ATP12A: variants seen among roughly 807,000 people sequenced by gnomAD.
ATP12A encodes ATPase H+/K+ transporting non-gastric alpha2 subunit.
In ATP12A, 81 loss-of-function variants were observed where a neutral mutation model predicts 111.2. The observed-to-expected ratio is 0.73, with a 90% confidence interval of 0.61 to 0.88. ATP12A has a LOEUF of 0.88. ATP12A is among the 40% of genes least tolerant of loss of function. ATP12A has a pLI of 0.00. For missense variants in ATP12A, 1,196 were observed against 1,313.1 expected (o/e 0.91, Z 1.38); for synonymous variants, 498 against 499.8 (o/e 1.00, Z 0.05).
At chr13:24,682,117 T>G (rs529568929) in intron 2 of ATP12A, among the ~76,000 whole-genome samples, 21 of 101,694 alleles carry the variant, frequency 2.1e-4, no homozygotes, top group African/African-American at 4.3e-4. Context: ...GATGTGTGTG[T>G]GGTGTGTGTG....
rs9553418 is a variant in ATP12A at position 24,686,761 on chromosome 13, A to G, written c.228+1388A>G. 3.8e-5 allele frequency among the ~76,000 whole-genome samples: 5 copies of G among 132,622 alleles called. No individual in the cohort carries two copies. In the East Asian group the frequency reaches 1.1e-3, roughly 30 times the overall value. The allele number at this position is 132,622 out of a possible 152,430, so 87.0% of individuals were successfully genotyped here. ...CGAAAGAAAAGAAGGAAAGAAAGAA[A>G]GAAGGAAGGAAGGAAGGAAAGAAAG... is the stretch of plus-strand genomic sequence containing the variant. On this transcript the variant is annotated intron_variant, in intron 3 of 22. Transcript: ENST00000381946.
At chr13:24,705,299 G>A (rs182287706) in intron 14 of ATP12A, among the ~76,000 whole-genome samples, 2 of 152,322 alleles carry the variant, frequency 1.3e-5, no homozygotes, top group Non-Finnish European at 1.5e-5. Context: ...AGAACTGAGA[G>A]CATCCAGCGG....
chr13:24,699,034 G>A lies in ATP12A; in HGVS notation c.1705+184G>A, dbSNP rs575878547. 2.6e-5 allele frequency among the ~76,000 whole-genome samples: 4 copies of A among 152,314 alleles called. No individual in the cohort carries two copies. In the South Asian group the frequency reaches 6.2e-4, roughly 24 times the overall value. On this transcript the variant is annotated intron_variant, in intron 12 of 22. Coordinates refer to ENST00000381946, the MANE Select transcript of ATP12A (RefSeq NM_001676.7). ...TGACAGCACCAAGCAGGGTGGGATG[G>A]CCTCCAGAGAGGCAAGCTCAGGGAA...
chr13:24,687,081 G>A (rs961917993), intron 3 of ATP12A, among the ~76,000 whole-genome samples: 1 of 152,068 alleles, frequency 6.6e-6, no homozygotes, highest in African/African-American at 2.4e-5. Flanking sequence ...AGATGGGATC[G>A]AGGTGGTGAG....
At chr13:24,703,750 C>T (rs560885308) in intron 14 of ATP12A, 2 of 152,358 alleles carry the variant, frequency 1.3e-5, no homozygotes, top group East Asian at 1.9e-4. Flanking sequence ...ACTGCAGCCT[C>T]GACCTCCTGG....
rs951914564 is a variant in ATP12A at position 24,711,992 on chromosome 13, C to T, written c.*470C>T. ...TCTCCTTGCTCGAAAAAGGCCAACTCACCCGAGGGTCTGCAGGAGATGGAA... is the reference window on the plus strand; with the variant it reads ...TCTCCTTGCTCGAAAAAGGCCAACTTACCCGAGGGTCTGCAGGAGATGGAA... On this transcript the variant is annotated 3_prime_UTR_variant, in exon 23 of 23. Coordinates refer to ENST00000381946, the MANE Select transcript of ATP12A (RefSeq NM_001676.7). 3 of 186,728 alleles carry T rather than the reference C, an allele frequency of 1.6e-5. No homozygotes were observed. The highest frequency in any genetic ancestry group is 7.1e-5 in the African/African-American group (3 of 42,156). 11.6% of individuals were successfully genotyped at this position (186,728 alleles called of 1,614,324 possible). A position where few individuals can be genotyped will look rare whatever the true frequency, so the allele number is the denominator to read the frequency against.
At chr13:24,684,137 C>G (rs529480301) in intron 2 of ATP12A, among the ~76,000 whole-genome samples, 2 of 151,772 alleles carry the variant, frequency 1.3e-5, no homozygotes, top group African/African-American at 2.4e-5. Flanking sequence ...AACAATGGCT[C>G]GGATCATCCA....
At position 24,692,433 on chromosome 13, in the gene ATP12A, C is replaced by A. The variant is rs772620660; in HGVS notation, c.1073C>A (p.Thr358Asn). The A allele has an allele frequency of 1.9e-6, 3 of 1,613,576 alleles. No homozygotes were observed. The highest frequency in any genetic ancestry group is 2.5e-6 in the Non-Finnish European group (3 of 1,180,022). ...PEGLLATVTV[T>N]LSLTAKRMAK... ...CGTCCTTCCCTCTCCTGCTAGGTGA[C>A]CCTGTCGCTGACAGCAAAACGGATG... Residue 358 changes from threonine (T) to asparagine (N), a missense_variant, in exon 9 of 23, where the codon ACC becomes AAC. Transcript: ENST00000381946.
chr13:24,682,030 G>C (rs1593128632), intron 2 of ATP12A, among the ~76,000 whole-genome samples: 1 of 68,210 alleles, frequency 1.5e-5, no homozygotes, highest in Non-Finnish European at 3.9e-5. Flanking sequence ...GTAGTGTGTG[G>C]TGTGTGTATG....
intron 13 of ATP12A, 55 bp downstream of exon 13, chr13:24,700,977 T>C (rs948850377): frequency 1.9e-6 from 3 of 1,575,058 alleles, no homozygotes; most frequent in Non-Finnish European, 1.7e-6. Flanking sequence ...TGTTCCTTTC[T>C]AATAATGGTT....
Position 24,702,003 on chromosome 13 carries a change from A to G in ATP12A, c.1950A>G (p.Ser650=). ...KAIAKSVGII[S]ANSETVEDIA... is the part of the protein sequence containing the mutation. The stretch of plus-strand genomic sequence containing the variant: ...TTGCCAAGAGTGTGGGGATCATTTC[A>G]GCCAACAGTGAAACAGTGGAAGACA... The change falls in exon 14 of 23, where the codon TCA becomes TCG. Residue 650 remains serine (S), a synonymous_variant. Transcript: ENST00000381946. 6.2e-7 allele frequency: 1 copy of G among 1,614,234 alleles called. No homozygotes were observed.
At chr13:24,686,725 C>T (rs528705103) in intron 3 of ATP12A, among the ~76,000 whole-genome samples, 4 of 150,476 alleles carry the variant, frequency 2.7e-5, no homozygotes, top group Middle Eastern at 3.5e-3. Flanking sequence ...GGCGACAGAG[C>T]GAGACTCTGT....
intron 10 of ATP12A, among the ~76,000 whole-genome samples, chr13:24,693,444 CTT>C: frequency 6.6e-6 from 1 of 152,082 alleles, no homozygotes; most frequent in Non-Finnish European, 1.5e-5. Flanking sequence ...TTCCCTGACT[CTT>C]TTTCTTTCTT....
At position 24,700,908 on chromosome 13, in the gene ATP12A, A is replaced by T; in HGVS notation, c.1867A>T (p.Ser623Cys). Residue 623 changes from serine (S) to cysteine (C), a missense_variant, in exon 13 of 23, where the codon AGT becomes TGT. This residue lies in a region of ATP12A where 1,126 missense variants were observed against 1,228.5 expected (regional missense o/e 0.92). Coordinates refer to ENST00000381946, the MANE Select transcript of ATP12A (RefSeq NM_001676.7). ...TVPDAVTKCRSAGIKVIMVTG... is the reference protein window; with the variant it reads ...TVPDAVTKCRCAGIKVIMVTG... ...GCCAGATGCAGTCACCAAATGCCGG[A>T]GTGCAGGGATCAAGGTGGGAGTTAT... The T allele has an allele frequency of 6.2e-7, 1 of 1,614,116 alleles. No homozygotes were observed. Among genetic ancestry groups the T allele is most frequent in the Non-Finnish European group, 8.5e-7 (1 of 1,180,000 alleles).
intron 11 of ATP12A, among the ~76,000 whole-genome samples, chr13:24,697,157 A>C (rs1875201789): frequency 6.6e-6 from 1 of 152,220 alleles, no homozygotes; most frequent in African/African-American, 2.4e-5. Context: ...AGTGACCCTG[A>C]GTGAAGCATT....
chr13:24,692,891 A>C lies in ATP12A; in HGVS notation c.1372A>C (p.Met458Leu), dbSNP rs147563292. The change falls in exon 10 of 23, where the codon ATG (methionine) becomes CTG (leucine). Residue 458 changes from methionine (M) to leucine (L), a missense_variant. By Grantham distance (15) the Met-to-Leu change is conservative (BLOSUM62 2). Transcript: ENST00000381946. ...FKPGQENVPI[M>L]KKAVIGDASE... ...GCCAGGACAGGAAAATGTCCCCATC[A>C]TGAAGGTAATGCTTCTGCAGCACTT... is the stretch of plus-strand genomic sequence containing the variant. 7 of 1,612,990 alleles carry C rather than the reference A, an allele frequency of 4.3e-6. No individual in the cohort carries two copies. Among genetic ancestry groups the C allele is most frequent in the Non-Finnish European group, 5.9e-6 (7 of 1,179,070 alleles).
Position 24,691,366 on chromosome 13 carries a change from G to A in ATP12A, c.1068+116G>A, listed in dbSNP as rs896670656. On this transcript the variant is annotated intron_variant, in intron 8 of 22. Coordinates refer to ENST00000381946, the MANE Select transcript of ATP12A (RefSeq NM_001676.7). ...AAGTCCAGAGCACCACGCCCTCCCC[G>A]CCAGCGACAACCCTGGAACATTCTG... 1.7e-5 allele frequency: 22 copies of A among 1,269,242 alleles called. No homozygotes were observed. The Middle Eastern group carries it at 8.3e-4, about 48-fold the overall frequency. 78.6% of individuals were successfully genotyped at this position (1,269,242 alleles called of 1,614,324 possible). A position where few individuals can be genotyped will look rare whatever the true frequency, so the allele number is the denominator to read the frequency against.
Position 24,685,709 on chromosome 13 carries a change from C to T in ATP12A, c.228+336C>T, listed in dbSNP as rs139044429. 2.2e-4 allele frequency among the ~76,000 whole-genome samples: 33 copies of T among 152,294 alleles called. 1 individual carries two copies. Among genetic ancestry groups the T allele is most frequent in the African/African-American group, 7.2e-4 (30 of 41,558 alleles). ...CTGGGATGGCTACAAGAAGTAGAAA[C>T]GCTATGCTGGGACAAAGGTGGATTC... On this transcript the variant is annotated intron_variant, in intron 3 of 22. Transcript: ENST00000381946. This position sits in a 1 kb window ranked among gnomAD's most constrained non-coding sequence, Gnocchi z 5.5.
chr13:24,686,502 A>C (rs1213460000), intron 3 of ATP12A, among the ~76,000 whole-genome samples: 1 of 150,998 alleles, frequency 6.6e-6, no homozygotes, highest in Admixed American at 6.6e-5. Flanking sequence ...GCACTTTAGG[A>C]GGCCAAGACG....
Sources: gnomAD v4.1 joint callset for allele counts (sites outside exome capture counted in the v4.1 genomes callset) on GRCh38, gnomAD v4.1.1 for gene constraint, gnomAD v4.1.1 regional missense constraint, Gnocchi (gnomAD v3.1) non-coding constraint, MANE v1.5 for transcripts, NCBI Gene and HGNC (gene_info 2026-07-23, HGNC 2026-07-21) for gene names.